Variants in COBLL1 observed in about 807,000 individuals in gnomAD.
COBLL1 encodes the protein cordon-bleu WH2 repeat protein like 1.
In COBLL1, 50 loss-of-function variants were observed where a neutral mutation model predicts 94.8. The observed-to-expected ratio is 0.53, with a 90% CI of 0.42 to 0.67. The LOEUF (loss-of-function observed/expected upper bound fraction) is 0.67, where lower values mean the gene tolerates loss of function less well. Among genes scored for constraint, COBLL1 ranks in the 30% least tolerant of loss-of-function variants. The probability of loss-of-function intolerance (pLI) is 0.00; values close to 1 mark genes in which losing one functional copy is unlikely to be tolerated. For synonymous variants in COBLL1, 448 were observed against 473.8 expected (o/e 0.95, Z 0.71); for missense variants, 1,362 against 1,348.7 (o/e 1.01, Z -0.15).
At chr2:164,756,373 A>G (rs1687408354) in intron 2 of COBLL1, among the ~76,000 whole-genome samples, 1 of 152,190 alleles carries the variant, frequency 6.6e-6, no homozygotes. Flanking sequence ...TCTACTCATC[A>G]TCTTCAGGTA....
intron 2 of COBLL1, among the ~76,000 whole-genome samples, chr2:164,806,437 T>C (rs1684159419): frequency 6.6e-6 from 1 of 152,238 alleles, no homozygotes; most frequent in Non-Finnish European, 1.5e-5. Flanking sequence ...ACTTAGAGGA[T>C]GGCTTCTTTT....
At chr2:164,674,183 C>T (rs2105389268) in intron 1 of COBLL1, among the ~76,000 whole-genome samples, 1 of 152,232 alleles carries the variant, frequency 6.6e-6, no homozygotes, top group South Asian at 2.1e-4. Context: ...GCTTCAGCCT[C>T]CCGAGTAGCT....
intron 2 of COBLL1, among the ~76,000 whole-genome samples, chr2:164,791,482 A>G (rs1435540553): frequency 9.9e-6 from 1 of 100,792 alleles, no homozygotes; most frequent in African/African-American, 4.2e-5. Context: ...AGATAGATAG[A>G]CAGACAGACA....
rs762924802 is a variant in COBLL1, at chr2:164,722,564, G to A, written c.662-42C>T. On this transcript the variant is annotated intron_variant, in intron 5 of 13. Transcript: ENST00000652658. ...GCATCTTACTTTTGTATGTGAGGTT[G>A]ACTGTTCACTTCCAAGATTTCTTTC... 3.7e-6 allele frequency: 4 copies of A among 1,073,302 alleles called. No individual in the cohort carries two copies. The Admixed American group carries it at 7.9e-5, about 21-fold the overall frequency. The allele number at this position is 1,073,302 out of a possible 1,614,324, so 66.5% of individuals were successfully genotyped here.
At chr2:164,825,701 T>C (rs552222805) in intron 2 of COBLL1, among the ~76,000 whole-genome samples, 1 of 152,328 alleles carries the variant, frequency 6.6e-6, no homozygotes, top group East Asian at 1.9e-4. Flanking sequence ...TTTCAGACTA[T>C]GCCATCATGC....
intron 2 of COBLL1, among the ~76,000 whole-genome samples, chr2:164,767,619 T>C (rs562370317): frequency 2.0e-5 from 3 of 152,332 alleles, no homozygotes; most frequent in Middle Eastern, 3.4e-3. Flanking sequence ...CTTTTCTACG[T>C]AGATCAAACA....
chr2:164,725,391 T>C (rs1291029881), intron 5 of COBLL1, among the ~76,000 whole-genome samples: 1 of 152,100 alleles, frequency 6.6e-6, no homozygotes, highest in African/African-American at 2.4e-5. Context: ...GGTTGTGCAA[T>C]ACAATAAATA....
chr2:164,662,161 A>G (rs1691081212), intron 2 of COBLL1, among the ~76,000 whole-genome samples: 1 of 152,214 alleles, frequency 6.6e-6, no homozygotes, highest in South Asian at 2.1e-4. Flanking sequence ...GTTAACATCT[A>G]AAAAACATAC....
At chr2:164,736,241 G>C (rs1354538630) in intron 3 of COBLL1, among the ~76,000 whole-genome samples, 1 of 152,044 alleles carries the variant, frequency 6.6e-6, no homozygotes, top group African/African-American at 2.4e-5. Context: ...CTCTATTGCT[G>C]CTGATGTTTA....
At chr2:164,710,040 A>T in intron 7 of COBLL1, among the ~76,000 whole-genome samples, 1 of 152,154 alleles carries the variant, frequency 6.6e-6, no homozygotes, top group Non-Finnish European at 1.5e-5. Flanking sequence ...TAATATATAT[A>T]TTTTTTGTTG....
chr2:164,769,471 A>G (rs1688096057), intron 2 of COBLL1, among the ~76,000 whole-genome samples: 1 of 152,180 alleles, frequency 6.6e-6, no homozygotes. Context: ...ATCATTTTAT[A>G]TATATTATCC....
chr2:164,785,246 G>A (rs1404959495), intron 2 of COBLL1, among the ~76,000 whole-genome samples: 1 of 152,152 alleles, frequency 6.6e-6, no homozygotes, highest in Non-Finnish European at 1.5e-5. Flanking sequence ...AAAATTAGCT[G>A]GGTGTAGTGG....
chr2:164,727,915 A>T, intron 5 of COBLL1, 54 bp downstream of exon 5: 1 of 1,235,574 alleles, frequency 8.1e-7, no homozygotes, highest in Non-Finnish European at 1.2e-6. Context: ...CAATGCACAA[A>T]CATATACAAA....
chr2:164,687,476 C>T (rs1683360104), intron 13 of COBLL1: 2 of 1,451,988 alleles, frequency 1.4e-6, no homozygotes, highest in Non-Finnish European at 1.9e-6. Context: ...TGCAGGGCCT[C>T]AATCACATGC....
chr2:164,805,329 C>CTATATATATATATATATATA (rs1412509415), intron 2 of COBLL1, among the ~76,000 whole-genome samples: 1 of 22,668 alleles, frequency 4.4e-5, no homozygotes, highest in Non-Finnish European at 8.3e-5. Flanking sequence ...CTCTCTCTCT[C>CTATATATATATATATATATA]TCTCTCTCTA....
chr2:164,736,179 A>G (rs1235296728), intron 3 of COBLL1, among the ~76,000 whole-genome samples: 1 of 152,176 alleles, frequency 6.6e-6, no homozygotes. Flanking sequence ...GTAAGTGCAC[A>G]CCAACAACCC....
chr2:164,744,193 T>G (rs1686741390), intron 2 of COBLL1, among the ~76,000 whole-genome samples: 1 of 152,194 alleles, frequency 6.6e-6, no homozygotes, highest in Non-Finnish European at 1.5e-5. Flanking sequence ...AAAATGTATT[T>G]TCTTTGATTA....
At chr2:164,811,862 T>C (rs536589614) in intron 2 of COBLL1, among the ~76,000 whole-genome samples, 1 of 152,166 alleles carries the variant, frequency 6.6e-6, no homozygotes, top group African/African-American at 2.4e-5. Flanking sequence ...CATCTACACT[T>C]GGAACTATCA....
At chr2:164,666,651 G>A (rs773821029) in intron 1 of COBLL1, among the ~76,000 whole-genome samples, 1 of 152,274 alleles carries the variant, frequency 6.6e-6, no homozygotes, top group African/African-American at 2.4e-5. Context: ...AAAACCTGCC[G>A]ATGCTTTTTC....
Sources: allele counts gnomAD v4.1 joint callset (sites outside exome capture counted in the v4.1 genomes callset), GRCh38; gene constraint gnomAD v4.1.1; transcripts MANE v1.5; gene names NCBI Gene and HGNC (gene_info 2026-07-23, HGNC 2026-07-21).